Variants in PCDHA7 observed in about 807,000 individuals in gnomAD.
PCDHA7 encodes the protein protocadherin alpha-7.
In PCDHA7, 37 loss-of-function variants were observed where a neutral mutation model predicts 57.2. That is an observed-to-expected ratio of 0.65 (90% confidence interval 0.50 to 0.85). PCDHA7 has a LOEUF of 0.85. Among genes scored for constraint, PCDHA7 ranks in the 40% least tolerant of loss-of-function variants. PCDHA7 has a pLI of 0.00. For synonymous variants in PCDHA7, 553 were observed against 558.8 expected, an observed-to-expected ratio of 0.99 and a Z score of 0.15; for missense variants, 1,188 against 1,241.8, an observed-to-expected ratio of 0.96 and a Z score of 0.65.
chr5:141,005,263 A>T (rs1223276392), intron 3 of PCDHA7, among the ~76,000 whole-genome samples: 2 of 152,198 alleles, frequency 1.3e-5, no homozygotes, highest in Admixed American at 1.3e-4. Context: ...GGCACTGGTG[A>T]TACATTGGTG....
chr5:140,949,263 C>T (rs1210516513), intron 1 of PCDHA7, among the ~76,000 whole-genome samples: 3 of 151,832 alleles, frequency 2.0e-5, no homozygotes, highest in South Asian at 4.1e-4. Flanking sequence ...GAACATATCA[C>T]GTGCACTTGA....
At position 140,982,483 on chromosome 5, in the gene PCDHA7, A is replaced by C. The variant is rs1554244276; in HGVS notation, c.2423A>C (p.His808Pro). 1.2e-5 allele frequency: 20 copies of C among 1,614,142 alleles called. No homozygotes were observed. In the South Asian group the frequency reaches 1.9e-4, roughly 15 times the overall value. The stretch of plus-strand genomic sequence containing the variant: ...TCTGTGTGTTTATTCAGCTCTGTGC[A>C]CCTAGAGGAGGCTGGCATTCTACGG... ...SLRAGMHSSV[H>P]LEEAGILRAG... The change falls in exon 3 of 4, where the codon CAC becomes CCC. Residue 808 changes from histidine to proline, a missense_variant. By Grantham distance (77) the His-to-Pro change is moderately conservative. Coordinates refer to ENST00000525929, the MANE Select transcript of PCDHA7 (RefSeq NM_018910.3).
At chr5:140,977,671 A>G (rs2096770792) in intron 1 of PCDHA7, among the ~76,000 whole-genome samples, 1 of 152,178 alleles carries the variant, frequency 6.6e-6, no homozygotes, top group South Asian at 2.1e-4. Flanking sequence ...CTGCATGCCA[A>G]ATATCATGTA....
intron 1 of PCDHA7, among the ~76,000 whole-genome samples, chr5:140,896,089 G>A (rs13174119): frequency 0.32 from 48,051 of 152,038 alleles, 7,939 homozygotes; most frequent in East Asian, 0.53. Flanking sequence ...GGGATTACAG[G>A]CGTGAGCCAC....
intron 1 of PCDHA7, among the ~76,000 whole-genome samples, chr5:140,846,033 A>T (rs1301242129): frequency 6.7e-6 from 1 of 149,692 alleles, no homozygotes; most frequent in East Asian, 1.9e-4. Flanking sequence ...GAGTTTAGGA[A>T]AGTCAAGTTA....
At chr5:140,870,181 G>C in intron 1 of PCDHA7, 1 of 1,614,160 alleles carries the variant, frequency 6.2e-7, no homozygotes, top group Non-Finnish European at 8.5e-7. Context: ...CCCAGTACGA[G>C]AGGACGCTCA....
At chr5:140,976,871 A>G (rs2096735171) in intron 1 of PCDHA7, among the ~76,000 whole-genome samples, 2 of 152,224 alleles carry the variant, frequency 1.3e-5, no homozygotes, top group Non-Finnish European at 2.9e-5. Flanking sequence ...TGTCTGACAA[A>G]GAAAGAATTA....
chr5:140,877,680 G>A, intron 1 of PCDHA7: 1 of 1,613,738 alleles, frequency 6.2e-7, no homozygotes, highest in Non-Finnish European at 8.5e-7. Flanking sequence ...CGCCGGGCAA[G>A]CCCACGCTGG....
At chr5:140,977,661 CTGCA>C (rs1554238727) in intron 1 of PCDHA7, among the ~76,000 whole-genome samples, 1 of 152,168 alleles carries the variant, frequency 6.6e-6, no homozygotes, top group Non-Finnish European at 1.5e-5. Flanking sequence ...GGCTAATTCT[CTGCA>C]TGCCAAATAT....
intron 1 of PCDHA7, among the ~76,000 whole-genome samples, chr5:140,945,249 T>C (rs1181677082): frequency 6.6e-6 from 1 of 152,050 alleles, no homozygotes; most frequent in African/African-American, 2.4e-5. Flanking sequence ...ACCAAGAGGA[T>C]GAAAGACCTG....
At chr5:141,005,488 G>A (rs138290389) in intron 3 of PCDHA7, among the ~76,000 whole-genome samples, 2,990 of 151,856 alleles carry the variant, frequency 0.02, 115 homozygotes, top group African/African-American at 0.068. Flanking sequence ...CGGATCATGA[G>A]GTCAGGAGAT....
intron 1 of PCDHA7, chr5:140,862,267 A>G (rs968907254): frequency 8.7e-6 from 2 of 230,002 alleles, no homozygotes; most frequent in African/African-American, 4.5e-5. Flanking sequence ...GCAGTAAGTC[A>G]CTATCATTCC....
rs538677309 is a variant in PCDHA7, at chr5:140,927,177, G to T, written c.2356-51772G>T. ...GCAGGGCCAAAGCTGCCTGCGTCTT[G>T]ACCTACGACCTGGTGCTCGAGGACC... On this transcript the variant is annotated intron_variant, in intron 1 of 3. Coordinates refer to ENST00000525929, the MANE Select transcript of PCDHA7 (RefSeq NM_018910.3). 78 of 1,614,148 alleles carry T rather than the reference G, an allele frequency of 4.8e-5. 3 individuals carry two copies. In the East Asian group the frequency reaches 6.7e-4, roughly 14 times the overall value.
chr5:141,011,553 G>T lies in PCDHA7; in HGVS notation c.*1616G>T, dbSNP rs1191049531. The T allele has an allele frequency of 6.5e-6, 1 of 153,640 alleles. No homozygotes were observed. The highest frequency in any genetic ancestry group is 1.5e-5 in the Non-Finnish European group (1 of 68,008). The allele number at this position is 153,640 out of a possible 1,614,324, so 9.5% of individuals were successfully genotyped here. Reference sequence around the variant, plus strand: ...TGTTAATCAGCTTTTGTGTATGAAAGACACAGTAAAATTTCTTTCTTAAAT... The same window carrying T: ...TGTTAATCAGCTTTTGTGTATGAAATACACAGTAAAATTTCTTTCTTAAAT... On this transcript the variant is annotated 3_prime_UTR_variant, in exon 4 of 4. Transcript: ENST00000525929.
Position 140,836,013 on chromosome 5 carries a change from C to T in PCDHA7, c.1630C>T (p.Pro544Ser). ...QVSARDAGVPPLGSNVTLQVF... is the reference protein window; with the variant it reads ...QVSARDAGVPSLGSNVTLQVF... The stretch of plus-strand genomic sequence containing the variant: ...GAGCGCGCGCGATGCGGGCGTGCCG[C>T]CTCTGGGCAGCAACGTGACGCTGCA... The change falls in exon 1 of 4, where the codon CCT becomes TCT. Residue 544 changes from proline (P) to serine (S), a missense_variant. Physicochemically the swap from Pro to Ser is moderately conservative, Grantham distance 74 (BLOSUM62 -1). Transcript: ENST00000525929. The T allele has an allele frequency of 1.9e-6, 3 of 1,613,378 alleles. No individual in the cohort carries two copies. The highest frequency in any genetic ancestry group is 2.5e-6 in the Non-Finnish European group (3 of 1,179,706).
chr5:140,933,333 A>G (rs1215342457), intron 1 of PCDHA7, among the ~76,000 whole-genome samples: 1 of 152,032 alleles, frequency 6.6e-6, no homozygotes, highest in Non-Finnish European at 1.5e-5. Flanking sequence ...TGTGCTGTAG[A>G]GAAAGATAAA....
chr5:140,854,159 CA>C (rs59855104), intron 1 of PCDHA7: 9,606 of 340,020 alleles, frequency 0.028, 6 homozygotes, highest in Non-Finnish European at 0.032. Context: ...GATTCTGTCT[CA>C]AAAAAAAAAA....
At chr5:140,870,178 C>A (rs2051730547) in intron 1 of PCDHA7, 6 of 1,614,096 alleles carry the variant, frequency 3.7e-6, no homozygotes, top group Non-Finnish European at 5.1e-6. Flanking sequence ...CCTCCCAGTA[C>A]GAGAGGACGC....
chr5:140,855,814 G>T, intron 1 of PCDHA7: 1 of 513,024 alleles, frequency 1.9e-6, no homozygotes, highest in Non-Finnish European at 3.4e-6. Context: ...AAGAAAAGTT[G>T]TGAACTCATG....
Sources: allele counts gnomAD v4.1 joint callset (sites outside exome capture counted in the v4.1 genomes callset), GRCh38; gene constraint gnomAD v4.1.1; transcripts MANE v1.5; gene names NCBI Gene and HGNC (gene_info 2026-07-23, HGNC 2026-07-21).